The following EBF1 variants were observed in gnomAD, a reference collection of about 807,000 sequenced individuals.
EBF1 encodes EBF transcription factor 1.
EBF1 carries 10 observed loss-of-function variants against 68.4 expected under a neutral mutation model. That is an observed-to-expected ratio of 0.15 (90% CI 0.09 to 0.25). The LOEUF (loss-of-function observed/expected upper bound fraction) is 0.25, where lower values mean the gene tolerates loss of function less well. Among genes scored for constraint, EBF1 ranks in the 10% least tolerant of loss-of-function variants. The pLI, the probability that EBF1 is intolerant of heterozygous loss-of-function variation, is 1.00. For synonymous variants in EBF1, 298 were observed against 299.8 expected, an observed-to-expected ratio of 0.99 and a Z score of 0.06; for missense variants, 509 against 794.4, an observed-to-expected ratio of 0.64 and a Z score of 4.32.
intron 15 of EBF1, chr5:158,707,521 C>T (rs927986982): frequency 2.9e-5 from 7 of 237,326 alleles, no homozygotes; most frequent in Non-Finnish European, 4.2e-5. Flanking sequence ...GCCCCACACA[C>T]GTTCACTCTG....
chr5:158,745,802 C>T (rs114011495), intron 10 of EBF1, among the ~76,000 whole-genome samples: 3,285 of 152,252 alleles, frequency 0.022, 131 homozygotes, highest in African/African-American at 0.075. Context: ...TTGGCTGTTG[C>T]TGTTGATCTA....
chr5:159,084,651 C>A lies in EBF1; in HGVS notation c.485+15G>T. 6.5e-7 allele frequency: 1 copy of A among 1,545,564 alleles called. No individual in the cohort carries two copies. ...CTCTTTGCTAATTAACGGGAGAGAC[C>A]AAGATATTTCTTACCTGCACATGAT... On this transcript the variant is annotated intron_variant, in intron 5 of 15. Transcript: ENST00000313708.
chr5:158,964,866 A>G (rs922111321), intron 6 of EBF1, among the ~76,000 whole-genome samples: 5 of 152,234 alleles, frequency 3.3e-5, no homozygotes, highest in Non-Finnish European at 7.3e-5. Flanking sequence ...TAAAAAAATA[A>G]TATGAATTTT....
chr5:158,806,040 ATCTG>A (rs1423470517), intron 8 of EBF1, among the ~76,000 whole-genome samples: 5 of 152,058 alleles, frequency 3.3e-5, no homozygotes, highest in African/African-American at 4.8e-5. Flanking sequence ...AAAAGCAGAC[ATCTG>A]TTTTGTCCTC....
chr5:158,844,900 C>CCTGTAT (rs1489337884), intron 6 of EBF1, among the ~76,000 whole-genome samples: 3 of 152,124 alleles, frequency 2.0e-5, no homozygotes, highest in Non-Finnish European at 4.4e-5. Context: ...CAATGACATA[C>CCTGTAT]CTGTATCACC....
chr5:158,996,399 C>G (rs186950980), intron 6 of EBF1, among the ~76,000 whole-genome samples: 2 of 152,272 alleles, frequency 1.3e-5, no homozygotes, highest in Non-Finnish European at 2.9e-5. Flanking sequence ...TATAAGTTAA[C>G]CATAAAGATT....
At chr5:159,078,975 CT>C in intron 5 of EBF1, among the ~76,000 whole-genome samples, 1 of 152,296 alleles carries the variant, frequency 6.6e-6, no homozygotes, top group Middle Eastern at 3.4e-3. Context: ...TGAATAGTGT[CT>C]TTCTCAACAG....
At chr5:159,016,104 TA>T (rs1765571195) in intron 6 of EBF1, among the ~76,000 whole-genome samples, 1 of 152,204 alleles carries the variant, frequency 6.6e-6, no homozygotes, top group Non-Finnish European at 1.5e-5. Flanking sequence ...CTCTTAAGAT[TA>T]AGCACATAAA....
intron 6 of EBF1, among the ~76,000 whole-genome samples, chr5:158,906,860 C>T (rs1804759825): frequency 6.6e-6 from 1 of 152,218 alleles, no homozygotes; most frequent in Non-Finnish European, 1.5e-5. Flanking sequence ...AGTCCCTGCT[C>T]TCACATCCTT....
intron 8 of EBF1, among the ~76,000 whole-genome samples, chr5:158,818,746 A>C (rs892848565): frequency 6.6e-6 from 1 of 152,226 alleles, no homozygotes; most frequent in Admixed American, 6.5e-5. Flanking sequence ...GCTAAATTTC[A>C]ATCATTTTCC....
chr5:159,050,356 C>T (rs1440263437), intron 6 of EBF1, among the ~76,000 whole-genome samples: 1 of 152,074 alleles, frequency 6.6e-6, no homozygotes, highest in Non-Finnish European at 1.5e-5. Context: ...CTCCATGCTT[C>T]CCCACCAGGA....
chr5:159,020,423 G>T (rs1270880188), intron 6 of EBF1, among the ~76,000 whole-genome samples: 2 of 152,102 alleles, frequency 1.3e-5, no homozygotes, highest in African/African-American at 2.4e-5. Context: ...CCTCAACCCA[G>T]CAGGCCTTTG....
Position 158,696,877 on chromosome 5 carries a change from T to C in EBF1, c.*2234A>G, listed in dbSNP as rs747093032. 9.8e-6 allele frequency: 2 copies of C among 203,684 alleles called. No homozygotes were observed. The highest frequency in any genetic ancestry group is 2.0e-5 in the Non-Finnish European group (2 of 99,386). 12.6% of individuals were successfully genotyped at this position (203,684 alleles called of 1,614,324 possible). A position where few individuals can be genotyped will look rare whatever the true frequency, so the allele number is the denominator to read the frequency against. On this transcript the variant is annotated 3_prime_UTR_variant, in exon 16 of 16. Coordinates refer to ENST00000313708, the MANE Select transcript of EBF1 (RefSeq NM_024007.5). ...GTCTTAAGGTAACAAAACAGTTCTTTTGTGCTTTTCGATTTCTTTGTTTTT... is the reference window on the plus strand; with the variant it reads ...GTCTTAAGGTAACAAAACAGTTCTTCTGTGCTTTTCGATTTCTTTGTTTTT...
chr5:158,732,894 A>T (rs564356272), intron 10 of EBF1, among the ~76,000 whole-genome samples: 2 of 152,300 alleles, frequency 1.3e-5, no homozygotes, highest in Non-Finnish European at 2.9e-5. Context: ...TCCAAACAGT[A>T]AACTTTCAAC....
chr5:158,832,134 T>C (rs150727463), intron 7 of EBF1, among the ~76,000 whole-genome samples: 2 of 152,362 alleles, frequency 1.3e-5, no homozygotes, highest in African/African-American at 4.8e-5. Flanking sequence ...CAGCATCCAT[T>C]GGTAATCACT....
At position 158,818,402 on chromosome 5, in the gene EBF1, T is replaced by G. The variant is rs115662998; in HGVS notation, c.778+4774A>C. Among the ~76,000 whole-genome samples the G allele has an allele frequency of 2.8e-3, 433 of 152,348 alleles. 3 individuals carry two copies. The highest frequency in any genetic ancestry group is 9.8e-3 in the African/African-American group (406 of 41,582). On this transcript the variant is annotated intron_variant, in intron 8 of 15. Coordinates refer to ENST00000313708, the MANE Select transcript of EBF1 (RefSeq NM_024007.5). ...GACAGAAGCAAAAACTGCCTCTGTC[T>G]GGATCAAAAGGATTATAGAAGGTCA... is the stretch of plus-strand genomic sequence containing the variant.
chr5:158,795,076 G>C (rs1293648816), intron 9 of EBF1, among the ~76,000 whole-genome samples: 1 of 152,174 alleles, frequency 6.6e-6, no homozygotes, highest in East Asian at 1.9e-4. Flanking sequence ...GCCTGAGTGG[G>C]TTACTGGCAG....
intron 6 of EBF1, among the ~76,000 whole-genome samples, chr5:158,861,610 T>G (rs1794969980): frequency 6.6e-6 from 1 of 152,216 alleles, no homozygotes; most frequent in Admixed American, 6.5e-5. Flanking sequence ...ATGTCCGGAA[T>G]TAGCTTAGTC....
At position 158,791,136 on chromosome 5, in the gene EBF1, C is replaced by T. The variant is rs186650346; in HGVS notation, c.909+5209G>A. 6.0e-4 allele frequency among the ~76,000 whole-genome samples: 91 copies of T among 151,852 alleles called. 1 individual carries two copies. Among genetic ancestry groups the T allele is most frequent in the Non-Finnish European group, 1.0e-3 (70 of 67,908 alleles). On this transcript the variant is annotated intron_variant, in intron 9 of 15. Coordinates refer to ENST00000313708, the MANE Select transcript of EBF1 (RefSeq NM_024007.5). ...GAGTTTGAGACCAGCCTGGCCAACA[C>T]GGCAAAACCCCGTCTCTACTAAAAA...
Sources: allele counts gnomAD v4.1 joint callset (sites outside exome capture counted in the v4.1 genomes callset), GRCh38; gene constraint gnomAD v4.1.1; transcripts MANE v1.5; gene names NCBI Gene and HGNC (gene_info 2026-07-23, HGNC 2026-07-21).